Variants in DDX4 observed in about 807,000 individuals in gnomAD.
DDX4 encodes the protein DEAD-box helicase 4.
DDX4 carries 25 observed loss-of-function variants against 100.0 expected under a neutral mutation model. That is an observed-to-expected ratio of 0.25 (90% CI 0.18 to 0.35). DDX4 has a LOEUF of 0.35. Ranked by LOEUF, DDX4 falls within the 10% of genes least tolerant of loss-of-function variation. DDX4 has a pLI of 1.00. For synonymous variants in DDX4, 259 were observed against 275.7 expected (o/e 0.94, Z 0.60); for missense variants, 635 against 882.4 (o/e 0.72, Z 3.55).
chr5:55,767,632 A>G (rs1287334658), intron 6 of DDX4, among the ~76,000 whole-genome samples: 1 of 152,192 alleles, frequency 6.6e-6, no homozygotes, highest in Non-Finnish European at 1.5e-5. Context: ...AATGCTTGGC[A>G]AATAGTAGGT....
rs754639963 is a variant in DDX4 at position 55,790,660 on chromosome 5, A to G, written c.1257A>G (p.Leu419=). 1.2e-6 allele frequency: 2 copies of G among 1,610,596 alleles called. No individual in the cohort carries two copies. The highest frequency in any genetic ancestry group is 2.7e-5 in the African/African-American group (2 of 74,822). Residue 419 remains leucine, a synonymous_variant, in exon 16 of 22, where the codon TTA becomes TTG. Coordinates refer to ENST00000505374, the MANE Select transcript of DDX4 (RefSeq NM_024415.3). ...IRQIVQGCNI[L]CATPGRLMDI... is the part of the protein sequence containing the mutation. ...AAATAGTACAAGGCTGTAATATATT[A>G]TGTGCTACTCCTGGAAGACTGATGG... is the stretch of plus-strand genomic sequence containing the variant.
rs758982347 is a variant in DDX4, at chr5:55,781,104, G to T, written c.535G>T (p.Gly179Cys). The part of the protein sequence containing the change: ...LDPDECMQRT[G>C]GLFGSRRPVL... ...CCCAGACGAATGTATGCAGCGCACT[G>T]GTGGCCTTTTTGGTTCTAGAAGACC... Residue 179 changes from glycine (G) to cysteine (C), a missense_variant, in exon 9 of 22, where the codon GGT becomes TGT. Physicochemically the swap from Gly to Cys is radical, Grantham distance 159. Around this residue, in one of 4 missense-constraint regions of DDX4, gnomAD observed 446 missense variants for 540.8 expected, o/e 0.82. Coordinates refer to ENST00000505374, the MANE Select transcript of DDX4 (RefSeq NM_024415.3). 105 of 1,612,612 alleles carry T rather than the reference G, an allele frequency of 6.5e-5. No homozygotes were observed. Among genetic ancestry groups the T allele is most frequent in the Non-Finnish European group, 7.5e-5 (89 of 1,179,650 alleles).
At chr5:55,761,644 G>C (rs1415883946) in intron 4 of DDX4, among the ~76,000 whole-genome samples, 2 of 147,480 alleles carry the variant, frequency 1.4e-5, no homozygotes, top group African/African-American at 5.0e-5. Flanking sequence ...TTTTGCTCTT[G>C]TTGCCTAGGC....
chr5:55,809,646 C>T (rs1580610666), intron 18 of DDX4, among the ~76,000 whole-genome samples: 2 of 152,266 alleles, frequency 1.3e-5, no homozygotes, highest in East Asian at 1.9e-4. Flanking sequence ...CATAAAGTGT[C>T]AGTTTGTTCC....
intron 7 of DDX4, among the ~76,000 whole-genome samples, chr5:55,770,667 A>T (rs1485522868): frequency 1.3e-5 from 2 of 152,140 alleles, no homozygotes; most frequent in African/African-American, 4.8e-5. Context: ...TAGCTGGCTG[A>T]ATTAGGCCCT....
intron 3 of DDX4, 125 bp from the exon 4 acceptor site, chr5:55,760,075 T>G: frequency 2.1e-6 from 2 of 943,408 alleles, no homozygotes; most frequent in Non-Finnish European, 3.0e-6. Flanking sequence ...TACTGGGCTG[T>G]TTGTCACCTT....
chr5:55,798,596 T>G (rs1396980779), intron 18 of DDX4, 25 bp downstream of exon 18: 6 of 1,554,446 alleles, frequency 3.9e-6, no homozygotes, highest in Non-Finnish European at 4.3e-6. Context: ...TACATTTTTT[T>G]GTCATGATTT....
intron 15 of DDX4, among the ~76,000 whole-genome samples, chr5:55,788,441 A>C (rs916003073): frequency 3.9e-5 from 6 of 152,192 alleles, no homozygotes; most frequent in Admixed American, 2.6e-4. Flanking sequence ...GCACCACCAC[A>C]CTCAGAGCGA....
intron 10 of DDX4, chr5:55,782,232 A>G: frequency 2.4e-6 from 1 of 408,672 alleles, no homozygotes; most frequent in Non-Finnish European, 4.4e-6. Flanking sequence ...ATGTATTTGG[A>G]AATAAATGTA....
At chr5:55,757,164 A>C (rs564701368) in intron 3 of DDX4, among the ~76,000 whole-genome samples, 1 of 152,204 alleles carries the variant, frequency 6.6e-6, no homozygotes, top group South Asian at 2.1e-4. Flanking sequence ...GTTTGCTTAC[A>C]TGAGTAAGTT....
At chr5:55,794,522 A>AAT (rs1742802500) in intron 17 of DDX4, among the ~76,000 whole-genome samples, 1 of 151,730 alleles carries the variant, frequency 6.6e-6, no homozygotes, top group Non-Finnish European at 1.5e-5. Flanking sequence ...TTCAGGTGGA[A>AAT]ATGGGGTATT....
chr5:55,794,344 C>A (rs59435624), intron 17 of DDX4, among the ~76,000 whole-genome samples: 3 of 151,032 alleles, frequency 2.0e-5, no homozygotes, highest in East Asian at 1.9e-4. Flanking sequence ...CCTGCCACCA[C>A]GCCTGGTTAA....
At chr5:55,780,286 GA>G (rs757170148) in intron 8 of DDX4, among the ~76,000 whole-genome samples, 9 of 152,258 alleles carry the variant, frequency 5.9e-5, no homozygotes, top group South Asian at 2.1e-4. Flanking sequence ...AAATAAGTTT[GA>G]GTGACTCAGT....
chr5:55,759,413 A>C (rs747981863), intron 3 of DDX4, among the ~76,000 whole-genome samples: 1 of 152,110 alleles, frequency 6.6e-6, no homozygotes, highest in Non-Finnish European at 1.5e-5. Context: ...TGGGATTTTA[A>C]ACAATTTTTT....
In DDX4 at chr5:55,790,827, C is replaced by T. The variant is rs878930993; in HGVS notation, c.1302+122C>T. 8 of 831,660 alleles carry T rather than the reference C, an allele frequency of 9.6e-6. No homozygotes were observed. The South Asian group carries it at 1.1e-4, about 11-fold the overall frequency. The allele number at this position is 831,660 out of a possible 1,614,324, so 51.5% of individuals were successfully genotyped here. ...GCACTATTTATGTGTTAGCCTCCAT[C>T]ACATTCTTTGAATGCATTCTTATAT... is the stretch of plus-strand genomic sequence containing the variant. On this transcript the variant is annotated intron_variant, in intron 16 of 21. Transcript: ENST00000505374.
Position 55,809,273 on chromosome 5 carries a change from C to T in DDX4, c.1616-4400C>T, listed in dbSNP as rs181476659. On this transcript the variant is annotated intron_variant, in intron 18 of 21. Transcript: ENST00000505374. Reference sequence around the variant, plus strand: ...GACCCCTTGCGCTTCCCAGGTGAGGCGATGCCTGGCCGTGCTTCAGCTCAC... The same window carrying T: ...GACCCCTTGCGCTTCCCAGGTGAGGTGATGCCTGGCCGTGCTTCAGCTCAC... 4.6e-5 allele frequency among the ~76,000 whole-genome samples: 7 copies of T among 152,278 alleles called. No homozygotes were observed. In the East Asian group the frequency reaches 5.8e-4, roughly 13 times the overall value.
chr5:55,756,371 A>G (rs939864498), intron 3 of DDX4, among the ~76,000 whole-genome samples: 1 of 152,174 alleles, frequency 6.6e-6, no homozygotes, highest in Non-Finnish European at 1.5e-5. Flanking sequence ...TCTATTTGGA[A>G]GACTTGACAC....
At chr5:55,770,909 C>G (rs1295393145) in intron 7 of DDX4, among the ~76,000 whole-genome samples, 1 of 152,086 alleles carries the variant, frequency 6.6e-6, no homozygotes, top group African/African-American at 2.4e-5. Context: ...ATCTTTTGTA[C>G]TATTAACATT....
At chr5:55,788,141 G>C in intron 15 of DDX4, 141 bp downstream of exon 15, 1 of 773,788 alleles carries the variant, frequency 1.3e-6, no homozygotes, top group Non-Finnish European at 1.9e-6. Context: ...CTTGTTTATG[G>C]AATCCTTTTC....
Sources: gnomAD v4.1 joint callset for allele counts (sites outside exome capture counted in the v4.1 genomes callset) on GRCh38, gnomAD v4.1.1 for gene constraint, gnomAD v4.1.1 regional missense constraint, MANE v1.5 for transcripts, NCBI Gene and HGNC (gene_info 2026-07-23, HGNC 2026-07-21) for gene names.